Variants in AP4S1 observed in about 807,000 individuals in gnomAD.
The protein encoded by AP4S1 is adaptor related protein complex 4 subunit sigma 1, also known as AP-4 complex subunit sigma-1.
In AP4S1, 23 loss-of-function variants were observed where a neutral mutation model predicts 19.8. The observed-to-expected ratio is 1.16, with a 90% CI of 0.84 to 1.65. The LOEUF is 1.65. Ranked by LOEUF, AP4S1 falls within the 40% of genes most tolerant of loss-of-function variation. The probability of loss-of-function intolerance (pLI) is 0.00; values close to 1 mark genes in which losing one functional copy is unlikely to be tolerated. For missense variants in AP4S1, 166 were observed against 172.8 expected (o/e 0.96, Z 0.22); for synonymous variants, 46 against 54.1 (o/e 0.85, Z 0.66).
chr14:31,093,247 T>TGAG lies in AP4S1; in HGVS notation c.*213_*215dup. 7.3e-6 allele frequency: 3 copies of TGAG among 410,522 alleles called. No homozygotes were observed. The highest frequency in any genetic ancestry group is 1.3e-5 in the Non-Finnish European group (3 of 238,528). The allele number at this position is 410,522 out of a possible 1,614,324, so 25.4% of individuals were successfully genotyped here. The stretch of plus-strand genomic sequence containing the variant: ...TACAAAGAAAAAAATTTCTTTAAAC[T>TGAG]GAGAGAGAAGTTTTATTTTCTAATT... On this transcript the variant is annotated 3_prime_UTR_variant, in exon 6 of 6. Coordinates refer to ENST00000542754, the MANE Select transcript of AP4S1 (RefSeq NM_001128126.3).
chr14:31,058,760 G>A (rs1359960898), intron 1 of AP4S1, among the ~76,000 whole-genome samples: 1 of 146,062 alleles, frequency 6.8e-6, no homozygotes, highest in East Asian at 2.0e-4. Flanking sequence ...TTTTTTAGTA[G>A]ACATGGCGTC....
At chr14:31,073,025 A>C (rs1318650363) in intron 4 of AP4S1, 52 bp downstream of exon 4, 1 of 1,426,148 alleles carries the variant, frequency 7.0e-7, no homozygotes. Context: ...GTTTCCCAGA[A>C]ATTGAGTCTC....
Position 31,073,164 on chromosome 14 carries a change from T to G in AP4S1, c.294+191T>G, listed in dbSNP as rs952542968. 113 of 600,854 alleles carry G rather than the reference T, an allele frequency of 1.9e-4. No individual in the cohort carries two copies. In the East Asian group the frequency reaches 3.3e-3, roughly 18 times the overall value. The allele number at this position is 600,854 out of a possible 1,614,324, so 37.2% of individuals were successfully genotyped here. Reference sequence around the variant, plus strand: ...AAAGTGTTACAAGCCTATACATGCCTGAGATCTTTATAAAGAACTGGAAAA... The same window carrying G: ...AAAGTGTTACAAGCCTATACATGCCGGAGATCTTTATAAAGAACTGGAAAA... On this transcript the variant is annotated intron_variant, in intron 4 of 5. Transcript: ENST00000542754.
intron 3 of AP4S1, among the ~76,000 whole-genome samples, chr14:31,071,840 C>T (rs899705509): frequency 1.3e-5 from 2 of 151,882 alleles, no homozygotes; most frequent in East Asian, 1.9e-4. Flanking sequence ...CTCACAATCC[C>T]GAGTACCTAA....
intron 5 of AP4S1, among the ~76,000 whole-genome samples, chr14:31,086,910 G>A (rs898095561): frequency 1.3e-5 from 2 of 152,054 alleles, no homozygotes; most frequent in Non-Finnish European, 2.9e-5. Flanking sequence ...CCAGGCTTGA[G>A]TGCAGTGTTG....
chr14:31,042,891 G>C, intron 1 of AP4S1, among the ~76,000 whole-genome samples: 1 of 152,112 alleles, frequency 6.6e-6, no homozygotes, highest in East Asian at 1.9e-4. Context: ...TTTAGATCAA[G>C]ATCTGAGAGC....
chr14:31,076,467 A>G, intron 4 of AP4S1, among the ~76,000 whole-genome samples: 1 of 152,196 alleles, frequency 6.6e-6, no homozygotes, highest in East Asian at 1.9e-4. Context: ...TCTTCTTGGG[A>G]GAAATGTCTG....
chr14:31,084,776 T>C lies in AP4S1; in HGVS notation c.306+4192T>C, dbSNP rs1195808471. The C allele has an allele frequency of 3.1e-6, 5 of 1,614,120 alleles. No homozygotes were observed. In the Admixed American group the frequency reaches 6.7e-5, roughly 22 times the overall value. On this transcript the variant is annotated intron_variant, in intron 5 of 5. Transcript: ENST00000542754. ...TTAAGGTGTTTTTTTTAGGAACCAA[T>C]TGATGAACTTCCCAAAATATGCTCA...
At chr14:31,053,033 T>C (rs948625787) in intron 1 of AP4S1, among the ~76,000 whole-genome samples, 2 of 146,236 alleles carry the variant, frequency 1.4e-5, no homozygotes, top group African/African-American at 5.0e-5. Context: ...CTCTGCCTCC[T>C]GGGTTCAAGT....
rs1181763961 is a variant in AP4S1 at position 31,027,775 on chromosome 14, A to G, written c.-72+1988A>G. On this transcript the variant is annotated intron_variant, in intron 1 of 5. Transcript: ENST00000542754. ...GCTTAGTTTCCTAGAAAATATCCTAATGCACTAGTGTGTTTCTAAAAATTA... is the reference window on the plus strand; with the variant it reads ...GCTTAGTTTCCTAGAAAATATCCTAGTGCACTAGTGTGTTTCTAAAAATTA... Among the ~76,000 whole-genome samples, 3 of 152,354 alleles carry G rather than the reference A, an allele frequency of 2.0e-5. No homozygotes were observed. The East Asian group carries it at 5.8e-4, about 29-fold the overall frequency.
chr14:31,085,451 G>T (rs1887879575), intron 5 of AP4S1: 1 of 986,152 alleles, frequency 1.0e-6, no homozygotes, highest in Non-Finnish European at 1.2e-6. Context: ...ACAAATATAG[G>T]CTAGAATCCG....
At chr14:31,071,292 TG>T (rs1294644652) in intron 3 of AP4S1, among the ~76,000 whole-genome samples, 1 of 152,092 alleles carries the variant, frequency 6.6e-6, no homozygotes, top group East Asian at 1.9e-4. Context: ...GATAGAAAAA[TG>T]ATGGCATGAA....
intron 1 of AP4S1, among the ~76,000 whole-genome samples, chr14:31,029,688 G>A (rs1345558019): frequency 6.6e-6 from 1 of 152,030 alleles, no homozygotes; most frequent in Non-Finnish European, 1.5e-5. Flanking sequence ...GTGGCCACGT[G>A]AGTCTGTAGT....
At chr14:31,050,912 T>C (rs1459218530) in intron 1 of AP4S1, among the ~76,000 whole-genome samples, 1 of 152,080 alleles carries the variant, frequency 6.6e-6, no homozygotes, top group Non-Finnish European at 1.5e-5. Context: ...TGTGGCAGTT[T>C]TGGAGAATAC....
intron 1 of AP4S1, among the ~76,000 whole-genome samples, chr14:31,040,990 G>T (rs1200019960): frequency 6.6e-6 from 1 of 150,946 alleles, no homozygotes; most frequent in African/African-American, 2.4e-5. Flanking sequence ...CAGGAGAATG[G>T]TGTGAACCCA....
chr14:31,074,553 G>A (rs1465816987), intron 4 of AP4S1, among the ~76,000 whole-genome samples: 1 of 151,778 alleles, frequency 6.6e-6, no homozygotes, highest in African/African-American at 2.4e-5. Context: ...ATGGTGGCGG[G>A]CGCCTGTAGT....
At chr14:31,035,762 A>C (rs1594628689) in intron 1 of AP4S1, among the ~76,000 whole-genome samples, 2 of 147,922 alleles carry the variant, frequency 1.4e-5, no homozygotes, top group Admixed American at 6.9e-5. Context: ...CAGAGTCTCG[A>C]TCTGTCACCC....
chr14:31,086,800 T>C (rs1024576469), intron 5 of AP4S1, among the ~76,000 whole-genome samples: 1 of 152,150 alleles, frequency 6.6e-6, no homozygotes, highest in African/African-American at 2.4e-5. Context: ...AGCCGGATAC[T>C]TTGGAGCTAG....
intron 1 of AP4S1, among the ~76,000 whole-genome samples, chr14:31,033,329 T>C (rs1452899323): frequency 6.6e-6 from 1 of 152,076 alleles, no homozygotes; most frequent in Non-Finnish European, 1.5e-5. Flanking sequence ...TTCTCCTGCC[T>C]CAACTTCCTG....
Sources: allele counts gnomAD v4.1 joint callset (sites outside exome capture counted in the v4.1 genomes callset), GRCh38; gene constraint gnomAD v4.1.1; transcripts MANE v1.5; gene names NCBI Gene and HGNC (gene_info 2026-07-23, HGNC 2026-07-21).